FUOM: variants seen among roughly 807,000 people sequenced by gnomAD.
The protein encoded by FUOM is fucose mutarotase, also known as protein fucU homolog.
In FUOM, 19 loss-of-function variants were observed where a neutral mutation model predicts 18.3. The observed-to-expected ratio is 1.04, with a 90% CI of 0.73 to 1.53. FUOM has a LOEUF of 1.53. Ranked by LOEUF, FUOM falls within the 40% of genes most tolerant of loss-of-function variation. FUOM has a pLI of 0.00. For missense variants in FUOM, 210 were observed against 200.9 expected (o/e 1.04, Z -0.27); for synonymous variants, 102 against 87.9 (o/e 1.16, Z -0.90).
chr10:133,357,334 C>T, intron 1 of FUOM, 79 bp from the exon 2 acceptor site: 1 of 1,394,868 alleles, frequency 7.2e-7, no homozygotes, highest in South Asian at 1.2e-5. Context: ...CCCACCCAGT[C>T]ATGGCGGCAG....
In FUOM at chr10:133,355,167, T is replaced by C. The variant is rs1848744829; in HGVS notation, c.*203A>G. 4.9e-6 allele frequency: 3 copies of C among 617,434 alleles called. No homozygotes were observed. The East Asian group carries it at 8.3e-5, about 17-fold the overall frequency. 38.2% of individuals were successfully genotyped at this position (617,434 alleles called of 1,614,324 possible). On this transcript the variant is annotated 3_prime_UTR_variant, in exon 6 of 6. Transcript: ENST00000278025. The stretch of plus-strand genomic sequence containing the variant: ...GAGAACAGAGCTGGAATTGGACTCT[T>C]GAGACTGAACGTTTTTCCATCATTT...
downstream of FUOM, among the ~76,000 whole-genome samples, chr10:133,353,002 C>G (rs143381373): frequency 1.2e-4 from 19 of 152,250 alleles, no homozygotes; most frequent in African/African-American, 4.1e-4. Flanking sequence ...CCTTGTATAC[C>G]GGGATGGTGA....
chr10:133,355,663 GC>G, intron 5 of FUOM, 74 bp downstream of exon 5: 3 of 1,555,358 alleles, frequency 1.9e-6, no homozygotes, highest in Non-Finnish European at 2.7e-6. Flanking sequence ...AGCTCCTGAG[GC>G]CCCCCGGTGG....
downstream of FUOM, among the ~76,000 whole-genome samples, chr10:133,353,872 C>T (rs1358077506): frequency 6.6e-6 from 1 of 152,014 alleles, no homozygotes; most frequent in East Asian, 1.9e-4. Context: ...GCAACTCCTT[C>T]CCCACTCCCT....
chr10:133,355,571 C>A, intron 5 of FUOM, 135 bp from the exon 6 acceptor site: 2 of 1,607,336 alleles, frequency 1.2e-6, no homozygotes, highest in East Asian at 4.5e-5. Flanking sequence ...GGGGCCCTGC[C>A]CCCCCGAAAT....
Position 133,355,315 on chromosome 10 carries a change from C to G in FUOM, c.*55G>C, listed in dbSNP as rs1848751394. ...GGGAGGCCTGTTGTGAGTGGTGGTA[C>G]TGGAGCTCAGGGTGCCCCCAGTTCC... On this transcript the variant is annotated 3_prime_UTR_variant, in exon 6 of 6. Coordinates refer to ENST00000278025, the MANE Select transcript of FUOM (RefSeq NM_001098483.3). 6.5e-7 allele frequency: 1 copy of G among 1,536,812 alleles called. No homozygotes were observed. The highest frequency in any genetic ancestry group is 8.7e-7 in the Non-Finnish European group (1 of 1,147,276).
chr10:133,357,621 G>A (rs1401786404), intron 1 of FUOM: 1 of 488,788 alleles, frequency 2.0e-6, no homozygotes, highest in Non-Finnish European at 3.6e-6. Flanking sequence ...CCCTGCCCCG[G>A]GACCCCAGGC....
Position 133,357,188 on chromosome 10 carries a change from G to A in FUOM, c.153C>T (p.Asp51=), listed in dbSNP as rs867679887. The A allele has an allele frequency of 4.5e-6, 7 of 1,569,604 alleles. No homozygotes were observed. The highest frequency in any genetic ancestry group is 1.2e-5 in the South Asian group (1 of 85,334). ...CQCGPMEIRA[D]GLGIPQLLEA... ...CTGGGGGACCTGGGGCTCGCTCACCGTCTGCACGGATCTCCATGGGCCCAC... is the reference window on the plus strand; with the variant it reads ...CTGGGGGACCTGGGGCTCGCTCACCATCTGCACGGATCTCCATGGGCCCAC... Residue 51 remains aspartate, a splice_region_variant and synonymous_variant, in exon 2 of 6, where the codon GAC becomes GAT. Coordinates refer to ENST00000278025, the MANE Select transcript of FUOM (RefSeq NM_001098483.3).
chr10:133,357,348 G>T (rs886666733), intron 1 of FUOM, 93 bp from the exon 2 acceptor site: 1 of 1,302,988 alleles, frequency 7.7e-7, no homozygotes, highest in Non-Finnish European at 1.1e-6. Context: ...GCGGCAGATC[G>T]TGGGTCACAA....
chr10:133,357,102 G>T, intron 2 of FUOM, 85 bp downstream of exon 2: 1 of 1,538,996 alleles, frequency 6.5e-7, no homozygotes, highest in Non-Finnish European at 8.8e-7. Flanking sequence ...TGGACTTGGG[G>T]CCACGGCAGG....
At chr10:133,355,658 CTGAGG>C in intron 5 of FUOM, 75 bp downstream of exon 5, 1 of 1,556,588 alleles carries the variant, frequency 6.4e-7, no homozygotes, top group Non-Finnish European at 8.9e-7. Flanking sequence ...GGGGCAGCTC[CTGAGG>C]CCCCCCGGTG....
intron 5 of FUOM, 32 bp downstream of exon 5, chr10:133,355,706 G>A: frequency 6.3e-7 from 1 of 1,595,334 alleles, no homozygotes; most frequent in Non-Finnish European, 8.6e-7. Flanking sequence ...CCCCAGTGGG[G>A]ATGGGGCAGG....
At chr10:133,355,011 A>T (rs563631076), downstream of FUOM, 1 of 285,872 alleles carries the variant, frequency 3.5e-6, no homozygotes, top group East Asian at 7.5e-5. Context: ...TGGTGTCCCC[A>T]GGGCACCAGG....
At chr10:133,356,256 C>T (rs950041264) in intron 4 of FUOM, among the ~76,000 whole-genome samples, 2 of 152,220 alleles carry the variant, frequency 1.3e-5, no homozygotes, top group African/African-American at 4.8e-5. Flanking sequence ...AAGCCTCTGA[C>T]CAACCATAGC....
rs960314142 is a variant in FUOM at position 133,355,415 on chromosome 10, G to A, written c.420C>T (p.Asn140=). Residue 140 remains asparagine (N), a synonymous_variant, in exon 6 of 6, where the codon AAC becomes AAT. Coordinates refer to ENST00000278025, the MANE Select transcript of FUOM (RefSeq NM_001098483.3). The part of the protein sequence containing the change: ...VATGETALYG[N]LILRKGVLAL... ...CAAGCACCCCCTTCCTGAGGATGAG[G>A]TTTCCGTAGAGGGCCGTCTCCCTGC... 1 of 1,609,782 alleles carries A rather than the reference G, an allele frequency of 6.2e-7. No homozygotes were observed. Among genetic ancestry groups the A allele is most frequent in the African/African-American group, 1.3e-5 (1 of 74,844 alleles).
At chr10:133,355,687 C>T in intron 5 of FUOM, 51 bp downstream of exon 5, 1 of 1,585,888 alleles carries the variant, frequency 6.3e-7, no homozygotes. Flanking sequence ...ATGGGGGCAG[C>T]TCCTGAGGCC....
chr10:133,353,637 C>T (rs546251578), downstream of FUOM, among the ~76,000 whole-genome samples: 3 of 152,308 alleles, frequency 2.0e-5, no homozygotes, highest in Admixed American at 6.5e-5. Flanking sequence ...AGGACACCAA[C>T]GGCTGAGAGT....
At position 133,355,921 on chromosome 10, in the gene FUOM, C is replaced by T. The variant is rs1337977206; in HGVS notation, c.325-110G>A. On this transcript the variant is annotated intron_variant, in intron 4 of 5. Coordinates refer to ENST00000278025, the MANE Select transcript of FUOM (RefSeq NM_001098483.3). Reference sequence around the variant, plus strand: ...GGGAGGGCACCAGGAAGTGGGGTTCCATTTCTTGGGCTCTCCCCCGGCAAG... The same window carrying T: ...GGGAGGGCACCAGGAAGTGGGGTTCTATTTCTTGGGCTCTCCCCCGGCAAG... The T allele has an allele frequency of 2.3e-5, 21 of 923,724 alleles. No homozygotes were observed. The South Asian group carries it at 2.8e-4, about 12-fold the overall frequency. The allele number at this position is 923,724 out of a possible 1,614,324, so 57.2% of individuals were successfully genotyped here. A position where few individuals can be genotyped will look rare whatever the true frequency, so the allele number is the denominator to read the frequency against.
In FUOM at chr10:133,357,033, G is replaced by A; in HGVS notation, c.155-20C>T. 8.4e-6 allele frequency: 13 copies of A among 1,549,168 alleles called. No homozygotes were observed. The highest frequency in any genetic ancestry group is 1.1e-5 in the Non-Finnish European group (13 of 1,146,564). On this transcript the variant is annotated intron_variant, in intron 2 of 5. Coordinates refer to ENST00000278025, the MANE Select transcript of FUOM (RefSeq NM_001098483.3). ...CCAGGCCTGGAGGGCAGAGGAGGCA[G>A]CACTCAGTCTCCAGCCCGCCCGCCC...
Sources: allele counts gnomAD v4.1 joint callset (sites outside exome capture counted in the v4.1 genomes callset), GRCh38; gene constraint gnomAD v4.1.1; transcripts MANE v1.5; gene names NCBI Gene and HGNC (gene_info 2026-07-23, HGNC 2026-07-21).